NOS2: variants seen among roughly 807,000 people sequenced by gnomAD.
The protein encoded by NOS2 is nitric oxide synthase, inducible.
Under a neutral mutation model 136.0 loss-of-function variants are expected in NOS2, and 96 were observed. The observed-to-expected ratio is 0.71, with a 90% CI of 0.60 to 0.84. The LOEUF is 0.84. Ranked by LOEUF, NOS2 falls within the 40% of genes least tolerant of loss-of-function variation. The probability of loss-of-function intolerance (pLI) is 0.00; values close to 1 mark genes in which losing one functional copy is unlikely to be tolerated. For missense variants in NOS2, 1,237 were observed against 1,496.9 expected, an observed-to-expected ratio of 0.83 and a Z score of 2.87; for synonymous variants, 539 against 587.5, an observed-to-expected ratio of 0.92 and a Z score of 1.20.
rs1555540683 is a variant in NOS2, at chr17:27,788,223, C to CACACACACAT, written c.319-398_319-397insATGTGTGTGT. 6.6e-5 allele frequency among the ~76,000 whole-genome samples: 10 copies of CACACACACAT among 151,764 alleles called. No individual in the cohort carries two copies. In the East Asian group the frequency reaches 1.7e-3, roughly 26 times the overall value. Reference sequence around the variant, plus strand: ...ACACACACACACACACACACACACACGAATGAAGTACACCCGAATGTTAAC... The same window carrying CACACACACAT: ...ACACACACACACACACACACACACACACACACACATGAATGAAGTACACCCGAATGTTAAC... On this transcript the variant is annotated intron_variant, in intron 4 of 26. Coordinates refer to ENST00000313735, the MANE Select transcript of NOS2 (RefSeq NM_000625.4).
At chr17:27,763,106 A>G in intron 21 of NOS2, 101 bp from the exon 22 acceptor site, 1 of 796,340 alleles carries the variant, frequency 1.3e-6, no homozygotes, top group Non-Finnish European at 2.0e-6. Context: ...CTCACTCAAC[A>G]AACAAGTCCA....
intron 2 of NOS2, among the ~76,000 whole-genome samples, chr17:27,793,067 C>T (rs1200736091): frequency 6.6e-6 from 1 of 151,872 alleles, no homozygotes; most frequent in Non-Finnish European, 1.5e-5. Flanking sequence ...CTTGACCAGC[C>T]GAGCCGGTCA....
chr17:27,765,320 A>AG (rs1479519449), intron 20 of NOS2, among the ~76,000 whole-genome samples: 1 of 152,194 alleles, frequency 6.6e-6, no homozygotes, highest in East Asian at 1.9e-4. Flanking sequence ...CACTGCATTG[A>AG]GGGGGATGTT....
intron 14 of NOS2, among the ~76,000 whole-genome samples, chr17:27,771,442 G>A (rs955238769): frequency 6.6e-6 from 1 of 152,254 alleles, no homozygotes; most frequent in African/African-American, 2.4e-5. Flanking sequence ...GGCCCACCCA[G>A]CGGAGGATGG....
chr17:27,783,113 G>A lies in NOS2; in HGVS notation c.468-7C>T. 6.2e-7 allele frequency: 1 copy of A among 1,613,968 alleles called. No individual in the cohort carries two copies. Among genetic ancestry groups the A allele is most frequent in the Non-Finnish European group, 8.5e-7 (1 of 1,179,874 alleles). On this transcript the variant is annotated splice_region_variant and splice_polypyrimidine_tract_variant and intron_variant, in intron 5 of 26. Coordinates refer to ENST00000313735, the MANE Select transcript of NOS2 (RefSeq NM_000625.4). ...ATGTTCCTCTATTTTTGCCCTGGGG[G>A]ACAGGAAGACAGCAGGAAGATCAAC...
chr17:27,767,840 G>A lies in NOS2; in HGVS notation c.2035-3C>T. On this transcript the variant is annotated splice_polypyrimidine_tract_variant and splice_region_variant and intron_variant, in intron 17 of 26. Transcript: ENST00000313735. ...ACATCAAACGTCTCACAGGCTGCCT[G>A]GAAGAAGGTGGAGCAGACTGCGGTT... 4 of 1,611,368 alleles carry A rather than the reference G, an allele frequency of 2.5e-6. No homozygotes were observed. Among genetic ancestry groups the A allele is most frequent in the Non-Finnish European group, 3.4e-6 (4 of 1,179,918 alleles).
rs201408278 is a variant in NOS2, at chr17:27,767,850, G to A, written c.2035-13C>T. 1 of 1,611,032 alleles carries A rather than the reference G, an allele frequency of 6.2e-7. No individual in the cohort carries two copies. Among genetic ancestry groups the A allele is most frequent in the East Asian group, 2.2e-5 (1 of 44,874 alleles). On this transcript the variant is annotated splice_polypyrimidine_tract_variant and intron_variant, in intron 17 of 26. Transcript: ENST00000313735. ...TCTCACAGGCTGCCTGGAAGAAGGT[G>A]GAGCAGACTGCGGTTAATGGTCAGC...
At position 27,770,966 on chromosome 17, in the gene NOS2, G is replaced by A; in HGVS notation, c.1756C>T (p.Leu586=). 1.2e-6 allele frequency: 2 copies of A among 1,614,106 alleles called. No homozygotes were observed. The highest frequency in any genetic ancestry group is 1.7e-6 in the Non-Finnish European group (2 of 1,180,008). Residue 586 remains leucine, a synonymous_variant, in exon 15 of 27, where the codon CTG becomes TTG. Transcript: ENST00000313735. The stretch of plus-strand genomic sequence containing the variant: ...CCAAACGTACTGGTCACCACCAACA[G>A]CAGCCGTTCCTCCTCCAGGCAGCTC... The part of the protein sequence containing the change: ...RLSCLEEERL[L]LVVTSTFGNG...
Position 27,758,990 on chromosome 17 carries a change from C to G in NOS2, c.3245G>C (p.Cys1082Ser). The G allele has an allele frequency of 6.2e-7, 1 of 1,613,162 alleles. No homozygotes were observed. Among genetic ancestry groups the G allele is most frequent in the Non-Finnish European group, 8.5e-7 (1 of 1,179,682 alleles). ...LHKEPGHLYV[C>S]GDVRMARDVA... ...GTCCCGGGCCATGCGCACATCCCCG[C>G]AAACATAGAGGTGGCCTGGCTCCTT... is the stretch of plus-strand genomic sequence containing the variant. The change falls in exon 26 of 27, where the codon TGC (cysteine) becomes TCC (serine). Residue 1082 changes from cysteine (C) to serine (S), a missense_variant. Coordinates refer to ENST00000313735, the MANE Select transcript of NOS2 (RefSeq NM_000625.4).
intron 20 of NOS2, 97 bp downstream of exon 20, chr17:27,765,438 G>C (rs1908265395): frequency 2.6e-6 from 3 of 1,159,204 alleles, no homozygotes. Flanking sequence ...AGGAAGGACA[G>C]GGATGGCTGT....
At chr17:27,793,217 T>G (rs1909248400) in intron 2 of NOS2, among the ~76,000 whole-genome samples, 1 of 151,998 alleles carries the variant, frequency 6.6e-6, no homozygotes, top group Non-Finnish European at 1.5e-5. Context: ...GATGGCGCCC[T>G]GGGAAATGGA....
At chr17:27,777,600 G>A (rs1011278175) in intron 11 of NOS2, among the ~76,000 whole-genome samples, 3 of 152,210 alleles carry the variant, frequency 2.0e-5, no homozygotes, top group Non-Finnish European at 4.4e-5. Context: ...GCCAGATCGC[G>A]GATGTGGCCC....
At chr17:27,761,795 G>C (rs1314410708) in intron 22 of NOS2, among the ~76,000 whole-genome samples, 1 of 152,120 alleles carries the variant, frequency 6.6e-6, no homozygotes, top group African/African-American at 2.4e-5. Context: ...GGTCTCTCTG[G>C]GTTGTGTTCC....
At chr17:27,770,208 G>A (rs1448248531) in intron 15 of NOS2, among the ~76,000 whole-genome samples, 6 of 152,140 alleles carry the variant, frequency 3.9e-5, no homozygotes, top group South Asian at 2.1e-4. Context: ...AGCTGAGCAC[G>A]GTGGCTCACG....
intron 2 of NOS2, among the ~76,000 whole-genome samples, chr17:27,791,061 G>GA (rs377136181): frequency 7.9e-5 from 12 of 152,022 alleles, no homozygotes; most frequent in East Asian, 1.9e-4. Flanking sequence ...TTTTATTATA[G>GA]AAAAAAATGA....
Position 27,757,033 on chromosome 17 carries a change from C to T in NOS2, c.*213G>A, listed in dbSNP as rs201789241. 3.9e-5 allele frequency: 18 copies of T among 462,130 alleles called. No homozygotes were observed. In the Admixed American group the frequency reaches 7.0e-4, roughly 18 times the overall value. The allele number at this position is 462,130 out of a possible 1,614,324, so 28.6% of individuals were successfully genotyped here. ...TTGTCTCCAAGGGACCAGGGAGGCC[C>T]CAGTTTGAGAGAGGAGGCTCCGATC... On this transcript the variant is annotated 3_prime_UTR_variant, in exon 27 of 27. Transcript: ENST00000313735.
chr17:27,788,619 G>A (rs1053872387), intron 4 of NOS2, among the ~76,000 whole-genome samples, 190 bp downstream of exon 4: 16 of 152,124 alleles, frequency 1.1e-4, no homozygotes. Context: ...TATTTACTGG[G>A]GTGGTTAACA....
In NOS2 at chr17:27,769,072, G is replaced by A. The variant is rs1353430358; in HGVS notation, c.1939C>T (p.His647Tyr). The A allele has an allele frequency of 6.2e-7, 1 of 1,612,678 alleles. No homozygotes were observed. Among genetic ancestry groups the A allele is most frequent in the Admixed American group, 1.7e-5 (1 of 59,906 alleles). Residue 647 changes from histidine to tyrosine, a missense_variant, in exon 17 of 27, where the codon CAC becomes TAC. Transcript: ENST00000313735. ...FAHDIDQKLSHLGASQLTPMG... is the reference protein window; with the variant it reads ...FAHDIDQKLSYLGASQLTPMG... ...GGGGTGAGCTGAGAGGCCCCCAGGT[G>A]GGACAGCTTCTGATCAATGTCATGA... is the stretch of plus-strand genomic sequence containing the variant.
rs750641734 is a variant in NOS2 at position 27,758,944 on chromosome 17, C to A, written c.3291G>T (p.Gln1097His). Residue 1097 changes from glutamine to histidine, a missense_variant, in exon 26 of 27, where the codon CAG becomes CAT. Transcript: ENST00000313735. ...MARDVAHTLK[Q>H]LVAAKLKLNE... The stretch of plus-strand genomic sequence containing the variant: ...TCAATTTCAGCTTGGCAGCCACCAG[C>A]TGCTTCAGGGTGTGGGCCACGTCCC... 6.2e-7 allele frequency: 1 copy of A among 1,611,950 alleles called. No homozygotes were observed. Among genetic ancestry groups the A allele is most frequent in the East Asian group, 2.2e-5 (1 of 44,718 alleles).
Sources: gnomAD v4.1 joint callset for allele counts (sites outside exome capture counted in the v4.1 genomes callset) on GRCh38, gnomAD v4.1.1 for gene constraint, MANE v1.5 for transcripts, NCBI Gene and HGNC (gene_info 2026-07-23, HGNC 2026-07-21) for gene names.